The following ARHGAP10 variants were observed in gnomAD, a reference collection of about 807,000 sequenced individuals.
ARHGAP10 encodes the protein Rho GTPase activating protein 10, also known as rho GTPase-activating protein 10.
ARHGAP10 carries 87 observed loss-of-function variants against 108.6 expected under a neutral mutation model. The ratio of observed to expected loss-of-function variants is 0.80; its 90% CI spans 0.67 to 0.96. ARHGAP10 has a LOEUF of 0.96. Among genes scored for constraint, ARHGAP10 ranks in the 40% least tolerant of loss-of-function variants. The pLI, the probability that ARHGAP10 is intolerant of heterozygous loss-of-function variation, is 0.00. For synonymous variants in ARHGAP10, 347 were observed against 341.1 expected, an observed-to-expected ratio of 1.02 and a Z score of -0.19; for missense variants, 939 against 954.5, an observed-to-expected ratio of 0.98 and a Z score of 0.21.
At chr4:147,890,601 C>T (rs770482009) in intron 10 of ARHGAP10, among the ~76,000 whole-genome samples, 13 of 152,112 alleles carry the variant, frequency 8.5e-5, no homozygotes, top group African/African-American at 1.9e-4. Context: ...CCGAGGTGGG[C>T]GGATCACCTG....
intron 18 of ARHGAP10, among the ~76,000 whole-genome samples, chr4:148,004,401 T>G (rs529053500): frequency 6.6e-6 from 1 of 152,338 alleles, no homozygotes; most frequent in South Asian, 2.1e-4. Flanking sequence ...GTGATAGTGA[T>G]TGTGGCAGAC....
At chr4:148,038,298 A>G (rs1012152710) in intron 19 of ARHGAP10, among the ~76,000 whole-genome samples, 3 of 152,174 alleles carry the variant, frequency 2.0e-5, no homozygotes, top group Non-Finnish European at 2.9e-5. Context: ...TTGTCATAGT[A>G]TTTGCCATGT....
At chr4:147,806,365 C>T (rs1278965802) in intron 1 of ARHGAP10, among the ~76,000 whole-genome samples, 2 of 151,380 alleles carry the variant, frequency 1.3e-5, no homozygotes, top group African/African-American at 2.4e-5. Context: ...TATAGTAATG[C>T]CAGATTATAG....
At chr4:147,840,316 T>G (rs11728928) in intron 3 of ARHGAP10, among the ~76,000 whole-genome samples, 1 of 152,190 alleles carries the variant, frequency 6.6e-6, no homozygotes, top group Admixed American at 6.5e-5. Context: ...TGATTTTTTT[T>G]CTTCTCTCAT....
chr4:147,882,390 G>A (rs1427416145), intron 10 of ARHGAP10, among the ~76,000 whole-genome samples: 3 of 151,954 alleles, frequency 2.0e-5, no homozygotes, highest in Non-Finnish European at 2.9e-5. Flanking sequence ...TTGAACCCAG[G>A]AGGCGGAGGC....
At chr4:147,977,062 C>A (rs1739623485) in intron 18 of ARHGAP10, among the ~76,000 whole-genome samples, 1 of 152,218 alleles carries the variant, frequency 6.6e-6, no homozygotes, top group Admixed American at 6.5e-5. Context: ...CCTGCCCACT[C>A]TGAAATTTTC....
chr4:147,788,325 T>C (rs1021559621), intron 1 of ARHGAP10, among the ~76,000 whole-genome samples: 1 of 152,092 alleles, frequency 6.6e-6, no homozygotes, highest in Non-Finnish European at 1.5e-5. Flanking sequence ...CATGCGCCTG[T>C]AATCTCAGCT....
At chr4:147,770,422 G>A (rs1730029494) in intron 1 of ARHGAP10, among the ~76,000 whole-genome samples, 1 of 152,180 alleles carries the variant, frequency 6.6e-6, no homozygotes, top group African/African-American at 2.4e-5. Flanking sequence ...CTACTTGGGA[G>A]GCTGAGGCAT....
At chr4:147,831,088 C>G (rs1205010577) in intron 3 of ARHGAP10, among the ~76,000 whole-genome samples, 1 of 152,232 alleles carries the variant, frequency 6.6e-6, no homozygotes, top group Non-Finnish European at 1.5e-5. Flanking sequence ...GCTGGTCTTT[C>G]ATGAAACTCT....
At chr4:148,046,762 T>G in intron 19 of ARHGAP10, 130 bp from the exon 20 acceptor site, 1 of 878,722 alleles carries the variant, frequency 1.1e-6, no homozygotes, top group East Asian at 2.6e-5. Context: ...GACACCCAGA[T>G]ACTGTCAGGC....
intron 18 of ARHGAP10, among the ~76,000 whole-genome samples, chr4:147,981,415 G>A (rs59966461): frequency 0.053 from 7,996 of 152,268 alleles, 232 homozygotes; most frequent in African/African-American, 0.066. Flanking sequence ...ATTGTGGTCT[G>A]AGAAGATGCT....
At chr4:147,870,108 C>T (rs1310834034) in intron 7 of ARHGAP10, among the ~76,000 whole-genome samples, 1 of 151,136 alleles carries the variant, frequency 6.6e-6, no homozygotes, top group East Asian at 1.9e-4. Flanking sequence ...GTGCAGCGGC[C>T]CAATCAATCT....
At chr4:147,742,488 T>TA (rs969820046) in intron 1 of ARHGAP10, among the ~76,000 whole-genome samples, 1 of 140,632 alleles carries the variant, frequency 7.1e-6, no homozygotes, top group Non-Finnish European at 1.5e-5. Flanking sequence ...TTTTTTTTTT[T>TA]TTTTTTTTTT....
intron 1 of ARHGAP10, among the ~76,000 whole-genome samples, chr4:147,766,334 C>T (rs991903786): frequency 4.6e-5 from 7 of 151,530 alleles, no homozygotes; most frequent in Non-Finnish European, 8.8e-5. Flanking sequence ...CACCCATGTC[C>T]TCCCATATGC....
chr4:147,761,434 G>T (rs1434470342), intron 1 of ARHGAP10, among the ~76,000 whole-genome samples: 1 of 152,158 alleles, frequency 6.6e-6, no homozygotes, highest in Non-Finnish European at 1.5e-5. Flanking sequence ...TTTCACATTT[G>T]TATGTGGCTT....
chr4:147,784,776 A>AATATATTATAAAATATATATTATAAAT (rs1730783806), intron 1 of ARHGAP10, among the ~76,000 whole-genome samples: 3 of 29,198 alleles, frequency 1.0e-4, no homozygotes, highest in African/African-American at 2.0e-4. Flanking sequence ...TTATAAATAT[A>AATATATTATAAAATATATATTATAAAT]ATATATTATA....
At chr4:147,893,810 G>T (rs183757513) in intron 10 of ARHGAP10, among the ~76,000 whole-genome samples, 90 of 152,116 alleles carry the variant, frequency 5.9e-4, no homozygotes, top group African/African-American at 2.0e-3. Flanking sequence ...CAGAATTTTA[G>T]TGGAACTGAT....
At chr4:147,870,778 T>C (rs1490585092) in intron 7 of ARHGAP10, among the ~76,000 whole-genome samples, 1 of 152,198 alleles carries the variant, frequency 6.6e-6, no homozygotes, top group Non-Finnish European at 1.5e-5. Context: ...TAGAATAGAA[T>C]TCTTCCTGGA....
chr4:147,739,431 A>G (rs1302491144), intron 1 of ARHGAP10, among the ~76,000 whole-genome samples: 1 of 152,208 alleles, frequency 6.6e-6, no homozygotes, highest in Non-Finnish European at 1.5e-5. Flanking sequence ...CAAGGTATTG[A>G]CATGACAATA....
Sources: allele counts gnomAD v4.1 joint callset (sites outside exome capture counted in the v4.1 genomes callset), GRCh38; gene constraint gnomAD v4.1.1; transcripts MANE v1.5; gene names NCBI Gene and HGNC (gene_info 2026-07-23, HGNC 2026-07-21).